Variants in ODF1 observed in about 807,000 individuals in gnomAD.
ODF1 encodes the protein outer dense fiber of sperm tails 1.
Under a neutral mutation model 24.0 loss-of-function variants are expected in ODF1, and 10 were observed. The observed-to-expected ratio is 0.42, with a 90% CI of 0.26 to 0.71. The LOEUF is 0.71. Ranked by LOEUF, ODF1 falls within the 30% of genes least tolerant of loss-of-function variation. The probability of loss-of-function intolerance (pLI) is 0.28; values close to 1 mark genes in which losing one functional copy is unlikely to be tolerated. For synonymous variants in ODF1, 118 were observed against 121.3 expected, an observed-to-expected ratio of 0.97 and a Z score of 0.18; for missense variants, 282 against 307.9, an observed-to-expected ratio of 0.92 and a Z score of 0.63.
rs781658558 is a variant in ODF1 at position 102,551,856 on chromosome 8, C to T, written c.129C>T (p.Pro43=). The change falls in exon 1 of 2, where the codon CCC becomes CCT. Residue 43 remains proline, a synonymous_variant. Coordinates refer to ENST00000285402, the MANE Select transcript of ODF1 (RefSeq NM_024410.4). ...GCCTGTGCGACTTGTATATGCACCC[C>T]TATTGCTGCTGTGACTTGCACCCAT... ...TRCLCDLYMH[P]YCCCDLHPYP... 3 of 1,614,172 alleles carry T rather than the reference C, an allele frequency of 1.9e-6. No individual in the cohort carries two copies. The highest frequency in any genetic ancestry group is 1.3e-5 in the African/African-American group (1 of 75,030).
Position 102,560,578 on chromosome 8 carries a change from T to C in ODF1, c.447T>C (p.Cys149=). 2 of 1,598,624 alleles carry C rather than the reference T, an allele frequency of 1.3e-6. No homozygotes were observed. The highest frequency in any genetic ancestry group is 1.7e-6 in the Non-Finnish European group (2 of 1,166,668). Residue 149 remains cysteine (C), a synonymous_variant, in exon 2 of 2, where the codon TGT becomes TGC. Coordinates refer to ENST00000285402, the MANE Select transcript of ODF1 (RefSeq NM_024410.4). ...TTCGAGTGAAGGATGGAAAGGTATG[T>C]GTGTCGGCTGAGCGGGAGAACAGGT... ...VKVRVKDGKV[C]VSAERENRYD... is the part of the protein sequence containing the mutation.
rs779887747 is a variant in ODF1, at chr8:102,552,025, G to A, written c.298G>A (p.Asp100Asn). The stretch of plus-strand genomic sequence containing the variant: ...GAGGAAAGCCATCAGAGCCATAGAA[G>A]ATGAGAAGCGAGAGCTTGCCAAGTA... ...LERKAIRAIEDEKRELAKLRR... is the reference protein window; with the variant it reads ...LERKAIRAIENEKRELAKLRR... Residue 100 changes from aspartate to asparagine, a missense_variant, in exon 1 of 2, where the codon GAT (aspartate) becomes AAT (asparagine). Coordinates refer to ENST00000285402, the MANE Select transcript of ODF1 (RefSeq NM_024410.4). 32 of 1,591,300 alleles carry A rather than the reference G, an allele frequency of 2.0e-5. No individual in the cohort carries two copies. In the Admixed American group the frequency reaches 5.5e-4, roughly 27 times the overall value.
rs779516788 is a variant in ODF1 at position 102,560,778 on chromosome 8, GCCCCTGCA to G, written c.648_655del (p.Ser216ArgfsTer13). The G allele has an allele frequency of 3.4e-6, 5 of 1,489,408 alleles. No homozygotes were observed. The highest frequency in any genetic ancestry group is 1.7e-4 in the Middle Eastern group (1 of 5,794). 92.3% of individuals were successfully genotyped at this position (1,489,408 alleles called of 1,614,324 possible). ...CCTTGCAGCCCCTGCAGCCCCTGCA[GCCCCTGCA>G]ACCCCTGCAGCCCCTGCAACCCGTG... On this transcript the variant is annotated frameshift_variant, in exon 2 of 2. Transcript: ENST00000285402. LOFTEE classifies it high-confidence loss of function.
intron 1 of ODF1, among the ~76,000 whole-genome samples, chr8:102,555,365 A>G (rs1281968158): frequency 6.6e-6 from 1 of 152,166 alleles, no homozygotes; most frequent in Admixed American, 6.5e-5. Context: ...CAGGACACCA[A>G]GCAGTCCTCG....
intron 1 of ODF1, among the ~76,000 whole-genome samples, chr8:102,554,778 C>T (rs1826091999): frequency 6.6e-6 from 1 of 152,012 alleles, no homozygotes; most frequent in Non-Finnish European, 1.5e-5. Flanking sequence ...CACAGGGAGT[C>T]CCCATCTCTA....
At chr8:102,559,439 G>T (rs1826151645) in intron 1 of ODF1, among the ~76,000 whole-genome samples, 1 of 151,680 alleles carries the variant, frequency 6.6e-6, no homozygotes, top group Non-Finnish European at 1.5e-5. Context: ...CTAATATGTA[G>T]CATTTTCCAA....
chr8:102,555,088 C>A (rs371343273), intron 1 of ODF1, among the ~76,000 whole-genome samples: 1 of 152,186 alleles, frequency 6.6e-6, no homozygotes, highest in Non-Finnish European at 1.5e-5. Context: ...GTTTCTGTAG[C>A]TTCTTTGATA....
At chr8:102,558,052 A>T (rs565225922) in intron 1 of ODF1, among the ~76,000 whole-genome samples, 4 of 152,296 alleles carry the variant, frequency 2.6e-5, no homozygotes, top group Admixed American at 2.6e-4. Flanking sequence ...ACAGTTCAAA[A>T]TTCTCCTACT....
Position 102,560,557 on chromosome 8 carries a change from AGTGAAGGATGGAAAGGTATGT to A in ODF1, c.430_450del (p.Lys144_Val150del). The A allele has an allele frequency of 6.2e-7, 1 of 1,614,224 alleles. No individual in the cohort carries two copies. The highest frequency in any genetic ancestry group is 8.5e-7 in the Non-Finnish European group (1 of 1,180,048). Reference sequence around the variant, plus strand: ...TTGAACCCGATCAAGTCAAAGTTCGAGTGAAGGATGGAAAGGTATGTGTGTCGGCTGAGCGGGAGAACAGGT... The same window carrying A: ...TTGAACCCGATCAAGTCAAAGTTCGAGTGTCGGCTGAGCGGGAGAACAGGT... On this transcript the variant is annotated inframe_deletion, in exon 2 of 2. Coordinates refer to ENST00000285402, the MANE Select transcript of ODF1 (RefSeq NM_024410.4).
In ODF1 at chr8:102,560,893, T is replaced by C. The variant is rs750109792; in HGVS notation, c.*9T>C. The stretch of plus-strand genomic sequence containing the variant: ...GGAAGATGATTTTGTAAAGTGCGCA[T>C]AGGAACCCATTACTTAATAGAAGTC... On this transcript the variant is annotated 3_prime_UTR_variant, in exon 2 of 2. Transcript: ENST00000285402. 2 of 1,569,954 alleles carry C rather than the reference T, an allele frequency of 1.3e-6. No individual in the cohort carries two copies. The highest frequency in any genetic ancestry group is 1.7e-5 in the Admixed American group (1 of 58,564).
At chr8:102,556,634 CA>C (rs1826115832) in intron 1 of ODF1, among the ~76,000 whole-genome samples, 1 of 152,116 alleles carries the variant, frequency 6.6e-6, no homozygotes, top group African/African-American at 2.4e-5. Context: ...TGTGTTTTAA[CA>C]AACCCTGCAG....
intron 1 of ODF1, among the ~76,000 whole-genome samples, 182 bp downstream of exon 1, chr8:102,552,229 G>A (rs74841800): frequency 0.11 from 16,330 of 151,842 alleles, 981 homozygotes; most frequent in African/African-American, 0.16. Context: ...GAATTGTAGG[G>A]TTCTCAAAAG....
chr8:102,554,446 TAA>T (rs1408399476), intron 1 of ODF1, among the ~76,000 whole-genome samples: 1 of 152,214 alleles, frequency 6.6e-6, no homozygotes, highest in Non-Finnish European at 1.5e-5. Flanking sequence ...CAATATGAAG[TAA>T]AGACTCTATA....
intron 1 of ODF1, among the ~76,000 whole-genome samples, chr8:102,557,913 A>G (rs1826131946): frequency 6.6e-6 from 1 of 152,180 alleles, no homozygotes; most frequent in South Asian, 2.1e-4. Flanking sequence ...TAAGCCTGTA[A>G]TCTATCCAGA....
intron 1 of ODF1, among the ~76,000 whole-genome samples, chr8:102,559,589 A>G (rs1826153418): frequency 6.6e-6 from 1 of 151,628 alleles, no homozygotes; most frequent in Non-Finnish European, 1.5e-5. Flanking sequence ...CACCACTGAG[A>G]GGTTGTTCTG....
rs757928423 is a variant in ODF1, at chr8:102,560,900, C to A, written c.*16C>A. Reference sequence around the variant, plus strand: ...GATTTTGTAAAGTGCGCATAGGAACCCATTACTTAATAGAAGTCAGTTACT... The same window carrying A: ...GATTTTGTAAAGTGCGCATAGGAACACATTACTTAATAGAAGTCAGTTACT... On this transcript the variant is annotated 3_prime_UTR_variant, in exon 2 of 2. Transcript: ENST00000285402. The A allele has an allele frequency of 6.3e-7, 1 of 1,584,126 alleles. No homozygotes were observed. Among genetic ancestry groups the A allele is most frequent in the East Asian group, 2.2e-5 (1 of 44,668 alleles).
intron 1 of ODF1, among the ~76,000 whole-genome samples, chr8:102,558,024 C>T (rs1325812791): frequency 6.6e-6 from 1 of 152,134 alleles, no homozygotes; most frequent in Non-Finnish European, 1.5e-5. Flanking sequence ...GCTTACCTCA[C>T]AAAGATAAAG....
At chr8:102,554,585 G>T (rs781420243) in intron 1 of ODF1, among the ~76,000 whole-genome samples, 23 of 152,132 alleles carry the variant, frequency 1.5e-4, no homozygotes, top group Non-Finnish European at 3.1e-4. Flanking sequence ...GATCCCACAG[G>T]TTTCTTGAGC....
intron 1 of ODF1, among the ~76,000 whole-genome samples, chr8:102,558,502 T>TG (rs1241027500): frequency 6.6e-6 from 1 of 152,182 alleles, no homozygotes; most frequent in Non-Finnish European, 1.5e-5. Context: ...TACAGTCCTC[T>TG]GGGTGTATTA....
Sources: gnomAD v4.1 joint callset for allele counts (sites outside exome capture counted in the v4.1 genomes callset) on GRCh38, gnomAD v4.1.1 for gene constraint, MANE v1.5 for transcripts, NCBI Gene and HGNC (gene_info 2026-07-23, HGNC 2026-07-21) for gene names.